Variants in XKR6 observed in about 807,000 individuals in gnomAD.
XKR6 encodes XK related 6, also known as XK-related protein 6.
Under a neutral mutation model 56.7 loss-of-function variants are expected in XKR6, and 22 were observed. The ratio of observed to expected loss-of-function variants is 0.39; its 90% CI spans 0.28 to 0.55. The LOEUF is 0.55. XKR6 is among the 20% of genes least tolerant of loss of function. XKR6 has a pLI of 0.66. For missense variants in XKR6, 852 were observed against 889.0 expected (o/e 0.96, Z 0.53); for synonymous variants, 524 against 387.8 (o/e 1.35, Z -4.13).
intron 1 of XKR6, among the ~76,000 whole-genome samples, chr8:11,141,721 G>A (rs1236302506): frequency 6.6e-6 from 1 of 152,134 alleles, no homozygotes; most frequent in Non-Finnish European, 1.5e-5. Flanking sequence ...AGCTCCTGAT[G>A]GGAGCCTATC....
At chr8:11,063,030 A>C (rs1441661472) in intron 1 of XKR6, 2 of 356,754 alleles carry the variant, frequency 5.6e-6, no homozygotes, top group Admixed American at 7.7e-5. Flanking sequence ...CCAGCCACAA[A>C]TTGGCATTTG....
At chr8:11,020,834 A>C (rs1798733812) in intron 1 of XKR6, among the ~76,000 whole-genome samples, 1 of 152,242 alleles carries the variant, frequency 6.6e-6, no homozygotes, top group African/African-American at 2.4e-5. Context: ...CTCTCTGTGC[A>C]ACAGTTTCAT....
In XKR6 at chr8:11,166,925, C is replaced by T. The variant is rs372759896; in HGVS notation, c.764+33651G>A. 8.5e-5 allele frequency among the ~76,000 whole-genome samples: 13 copies of T among 152,252 alleles called. No homozygotes were observed. The East Asian group carries it at 1.5e-3, about 18-fold the overall frequency. ...ATTAACACTAGTATTCAGCTAATAA[C>T]TATACCAAAAATACAACAGAAATTG... On this transcript the variant is annotated intron_variant, in intron 1 of 2. Transcript: ENST00000416569.
intron 2 of XKR6, among the ~76,000 whole-genome samples, chr8:10,909,680 G>A (rs1040524941): frequency 2.6e-5 from 4 of 152,174 alleles, no homozygotes; most frequent in Non-Finnish European, 5.9e-5. Flanking sequence ...CTCCAAACAC[G>A]GGAAAGGGAG....
At chr8:10,932,597 C>G (rs1212429491) in intron 1 of XKR6, among the ~76,000 whole-genome samples, 7 of 123,276 alleles carry the variant, frequency 5.7e-5, no homozygotes, top group Non-Finnish European at 1.2e-4. Flanking sequence ...CACCACAGTC[C>G]CCAGAGTGTG....
At chr8:11,090,533 C>T (rs1391492046) in intron 1 of XKR6, among the ~76,000 whole-genome samples, 1 of 152,142 alleles carries the variant, frequency 6.6e-6, no homozygotes, top group African/African-American at 2.4e-5. Flanking sequence ...TATTCAGCAG[C>T]AGTATGCATT....
chr8:10,980,969 C>G (rs1797720561), intron 1 of XKR6, among the ~76,000 whole-genome samples: 1 of 151,872 alleles, frequency 6.6e-6, no homozygotes, highest in Non-Finnish European at 1.5e-5. Context: ...ACTCCATAAG[C>G]TGTTTCAGAA....
At chr8:11,171,282 G>GCA (rs142606929) in intron 1 of XKR6, among the ~76,000 whole-genome samples, 9,827 of 152,104 alleles carry the variant, frequency 0.065, 363 homozygotes, top group South Asian at 0.098. Flanking sequence ...ATGTGCGACT[G>GCA]CACACACACA....
At chr8:10,945,001 C>T (rs538736939) in intron 1 of XKR6, among the ~76,000 whole-genome samples, 2 of 152,264 alleles carry the variant, frequency 1.3e-5, no homozygotes, top group African/African-American at 2.4e-5. Flanking sequence ...CGGTAGATGT[C>T]GCCATGCAGT....
chr8:11,154,751 T>C (rs28743023), intron 1 of XKR6, among the ~76,000 whole-genome samples: 10,535 of 152,224 alleles, frequency 0.069, 1,242 homozygotes, highest in African/African-American at 0.24. Flanking sequence ...TTTCTGTTGG[T>C]TCCTTCTCTG....
At chr8:11,114,231 T>G in intron 1 of XKR6, 1 of 277,278 alleles carries the variant, frequency 3.6e-6, no homozygotes, top group South Asian at 3.2e-5. Flanking sequence ...AGAATCACAA[T>G]CCTATTTTGA....
At position 11,150,289 on chromosome 8, in the gene XKR6, AC is replaced by A. The variant is rs778049690; in HGVS notation, c.764+50286del. On this transcript the variant is annotated intron_variant, in intron 1 of 2. Coordinates refer to ENST00000416569, the MANE Select transcript of XKR6 (RefSeq NM_173683.4). ...CTCAATGTCATGGATACCCCAAATA[AC>A]CCAACTAGATCATTATACATTCTAT... 5.2e-3 allele frequency among the ~76,000 whole-genome samples: 788 copies of A among 152,278 alleles called. 5 individuals are homozygous for A. Among genetic ancestry groups the A allele is most frequent in the Admixed American group, 0.013 (199 of 15,290 alleles).
intron 2 of XKR6, among the ~76,000 whole-genome samples, chr8:10,901,656 G>A (rs556325481): frequency 2.0e-5 from 3 of 152,290 alleles, no homozygotes; most frequent in African/African-American, 7.2e-5. Context: ...TGGGAGCTGG[G>A]TGGGAAGAAG....
intron 1 of XKR6, among the ~76,000 whole-genome samples, chr8:11,145,085 A>C (rs938368155): frequency 1.3e-5 from 2 of 151,856 alleles, no homozygotes; most frequent in Admixed American, 1.3e-4. Context: ...GAGTATCTCT[A>C]ATCTGAAAAT....
intron 1 of XKR6, among the ~76,000 whole-genome samples, chr8:11,156,097 C>T (rs1157690165): frequency 1.3e-5 from 2 of 152,192 alleles, no homozygotes; most frequent in Admixed American, 6.5e-5. Flanking sequence ...TTGACTTTAT[C>T]CAATTCTCTT....
chr8:10,995,871 A>G (rs371567080), intron 1 of XKR6, among the ~76,000 whole-genome samples: 58 of 152,326 alleles, frequency 3.8e-4, no homozygotes, highest in African/African-American at 1.3e-3. Flanking sequence ...GGTGAAGACC[A>G]TCATGGTGAG....
chr8:10,957,733 G>T (rs563271824), intron 1 of XKR6, among the ~76,000 whole-genome samples: 1 of 152,096 alleles, frequency 6.6e-6, no homozygotes, highest in African/African-American at 2.4e-5. Flanking sequence ...ACCAATGGGG[G>T]ACCTCTCCTC....
At chr8:11,086,598 A>T (rs557285263) in intron 1 of XKR6, among the ~76,000 whole-genome samples, 2 of 152,200 alleles carry the variant, frequency 1.3e-5, no homozygotes, top group Non-Finnish European at 2.9e-5. Flanking sequence ...AAAGCTTTCA[A>T]TGACAATAAG....
At chr8:10,949,172 G>C (rs1208628510) in intron 1 of XKR6, among the ~76,000 whole-genome samples, 1 of 152,208 alleles carries the variant, frequency 6.6e-6, no homozygotes, top group Non-Finnish European at 1.5e-5. Context: ...CGGCTCTAGG[G>C]CCTGGAGCAA....
Sources: gnomAD v4.1 joint callset for allele counts (sites outside exome capture counted in the v4.1 genomes callset) on GRCh38, gnomAD v4.1.1 for gene constraint, MANE v1.5 for transcripts, NCBI Gene and HGNC (gene_info 2026-07-23, HGNC 2026-07-21) for gene names.